Variants in MEF2C observed in about 807,000 individuals in gnomAD.
The protein encoded by MEF2C is myocyte enhancer factor 2C.
A neutral mutation model predicts 50.5 loss-of-function variants in MEF2C; 6 were observed. The ratio of observed to expected loss-of-function variants is 0.12; its 90% CI spans 0.07 to 0.23. MEF2C has a LOEUF of 0.23. Among genes scored for constraint, MEF2C ranks in the 10% least tolerant of loss-of-function variants. The probability of loss-of-function intolerance (pLI) is 1.00; values close to 1 mark genes in which losing one functional copy is unlikely to be tolerated. For synonymous variants in MEF2C, 183 were observed against 228.0 expected (o/e 0.80, Z 1.78); for missense variants, 276 against 605.0 (o/e 0.46, Z 5.70).
At chr5:88,830,942 A>G (rs1483367074) in intron 1 of MEF2C, among the ~76,000 whole-genome samples, 1 of 152,098 alleles carries the variant, frequency 6.6e-6, no homozygotes, top group Non-Finnish European at 1.5e-5. Context: ...AGCACTATAC[A>G]ACATCAACCT....
At chr5:88,778,163 C>T (rs1002380214) in intron 3 of MEF2C, among the ~76,000 whole-genome samples, 2 of 152,168 alleles carry the variant, frequency 1.3e-5, no homozygotes, top group Admixed American at 6.5e-5. Flanking sequence ...CCGCCTCAGC[C>T]TCTCAAAGTG....
intron 2 of MEF2C, among the ~76,000 whole-genome samples, chr5:88,822,701 C>G (rs1473263501): frequency 6.6e-6 from 1 of 151,930 alleles, no homozygotes; most frequent in South Asian, 2.1e-4. Flanking sequence ...GAAGACAAAA[C>G]AGGACAATAG....
intron 3 of MEF2C, among the ~76,000 whole-genome samples, chr5:88,795,042 T>G (rs1795414358): frequency 6.6e-6 from 1 of 152,124 alleles, no homozygotes; most frequent in Non-Finnish European, 1.5e-5. Context: ...TTTGGTTGCT[T>G]TAGCCTTGTG....
At chr5:88,724,443 T>C (rs781272359) in intron 10 of MEF2C, among the ~76,000 whole-genome samples, 30 of 152,146 alleles carry the variant, frequency 2.0e-4, no homozygotes, top group Admixed American at 5.2e-4. Flanking sequence ...TATTAATAAA[T>C]AGATGAGCTA....
At chr5:88,825,666 C>T (rs1810550304) in intron 1 of MEF2C, 2 of 982,776 alleles carry the variant, frequency 2.0e-6, no homozygotes, top group Non-Finnish European at 2.4e-6. Context: ...TTTTAGAAAA[C>T]GTCTTAAATG....
Position 88,797,454 on chromosome 5 carries a change from C to CTTTTTTTTTTTTTTT in MEF2C, c.258+7143_258+7144insAAAAAAAAAAAAAAA, listed in dbSNP as rs1169605093. Among the ~76,000 whole-genome samples, 10 of 25,220 alleles carry CTTTTTTTTTTTTTTT rather than the reference C, an allele frequency of 4.0e-4. 5 individuals are homozygous for CTTTTTTTTTTTTTTT. Among genetic ancestry groups the CTTTTTTTTTTTTTTT allele is most frequent in the African/African-American group, 7.7e-4 (6 of 7,748 alleles). 16.5% of individuals were successfully genotyped at this position (25,220 alleles called of 152,430 possible). On this transcript the variant is annotated intron_variant, in intron 3 of 10. Coordinates refer to ENST00000504921, the MANE Select transcript of MEF2C (RefSeq NM_002397.5). ...TCACAGACTAGGATTGCAACCCTTG[C>CTTTTTTTTTTTTTTT]CTTTTTTTTTTTTTTTTTTTTTTTT...
intron 6 of MEF2C, among the ~76,000 whole-genome samples, chr5:88,747,333 C>T (rs1581676087): frequency 4.1e-4 from 9 of 21,744 alleles, no homozygotes; most frequent in Admixed American, 1.3e-3. Context: ...TTTTTTACTA[C>T]TTTTTTTTTT....
At chr5:88,801,756 G>A (rs949150412) in intron 3 of MEF2C, among the ~76,000 whole-genome samples, 10 of 152,080 alleles carry the variant, frequency 6.6e-5, no homozygotes, top group African/African-American at 1.2e-4. Flanking sequence ...AAAGTACTGG[G>A]ATTACAGGTG....
rs1369543411 is a variant in MEF2C at position 88,888,187 on chromosome 5, T to G, written c.-239-589A>C. 7.2e-5 allele frequency: 11 copies of G among 152,366 alleles called. No homozygotes were observed. The South Asian group carries it at 2.3e-3, about 32-fold the overall frequency. The allele number at this position is 152,366 out of a possible 1,614,324, so 9.4% of individuals were successfully genotyped here. On this transcript the variant is annotated intron_variant, in intron 1 of 11. Transcript: ENST00000340208. Reference sequence around the variant, plus strand: ...AATACCTTATTTTTCCAAGCAGTGTTTAACTATACTGAGCACAGACAAATG... The same window carrying G: ...AATACCTTATTTTTCCAAGCAGTGTGTAACTATACTGAGCACAGACAAATG...
intron 1 of MEF2C, among the ~76,000 whole-genome samples, chr5:88,831,710 T>C (rs751537292): frequency 4.6e-5 from 7 of 152,104 alleles, no homozygotes; most frequent in Non-Finnish European, 1.0e-4. Context: ...TCTCAAAATA[T>C]ATATGATATT....
intron 4 of MEF2C, among the ~76,000 whole-genome samples, chr5:88,759,203 C>A (rs1418798308): frequency 3.9e-5 from 6 of 151,950 alleles, no homozygotes; most frequent in Admixed American, 3.9e-4. Context: ...GCCCAAATGG[C>A]GTGGCGCAGT....
intron 3 of MEF2C, among the ~76,000 whole-genome samples, chr5:88,775,347 T>C (rs1336026615): frequency 6.6e-6 from 1 of 152,174 alleles, no homozygotes; most frequent in Non-Finnish European, 1.5e-5. Flanking sequence ...CAATTATGAA[T>C]TGAGTGTAAT....
intron 2 of MEF2C, among the ~76,000 whole-genome samples, chr5:88,815,701 A>T (rs1804997636): frequency 6.6e-6 from 1 of 152,136 alleles, no homozygotes; most frequent in Non-Finnish European, 1.5e-5. Context: ...TGCAAACTTT[A>T]AAAATACCCT....
In MEF2C at chr5:88,882,938, A is replaced by G. The variant is rs1267825119; in HGVS notation, c.-143+17T>C. On this transcript the variant is annotated intron_variant, in intron 1 of 10. Coordinates refer to ENST00000504921, the MANE Select transcript of MEF2C (RefSeq NM_002397.5). ...CCCGGGTTTTCTATTTCCTCGAGAA[A>G]TATCAGGGGTACTTACATGAAGGAA... 1.3e-5 allele frequency: 2 copies of G among 152,136 alleles called. No individual in the cohort carries two copies. Among genetic ancestry groups the G allele is most frequent in the African/African-American group, 4.8e-5 (2 of 41,414 alleles). The allele number at this position is 152,136 out of a possible 1,614,324, so 9.4% of individuals were successfully genotyped here.
chr5:88,898,121 C>T (rs935672649), intron 1 of MEF2C, among the ~76,000 whole-genome samples: 1 of 152,110 alleles, frequency 6.6e-6, no homozygotes, highest in African/African-American at 2.4e-5. Flanking sequence ...CTCCTGTTCT[C>T]TCCACTAATG....
At chr5:88,731,607 G>A (rs985928740) in intron 7 of MEF2C, 122 bp downstream of exon 7, 2 of 886,112 alleles carry the variant, frequency 2.3e-6, no homozygotes, top group Non-Finnish European at 3.6e-6. Context: ...CTCTGTCAAT[G>A]GCACTGTTAT....
At chr5:88,848,482 A>C (rs549380665) in intron 1 of MEF2C, among the ~76,000 whole-genome samples, 6 of 152,216 alleles carry the variant, frequency 3.9e-5, no homozygotes, top group Non-Finnish European at 8.8e-5. Flanking sequence ...GCAATATGCT[A>C]AGTGCTTTAT....
At chr5:88,870,580 T>C (rs1829205250) in intron 1 of MEF2C, among the ~76,000 whole-genome samples, 1 of 152,074 alleles carries the variant, frequency 6.6e-6, no homozygotes, top group African/African-American at 2.4e-5. Context: ...TCAACTTTAA[T>C]TGAAACATTC....
At position 88,722,674 on chromosome 5, in the gene MEF2C, C is replaced by G. The variant is rs765543733; in HGVS notation, c.1352G>C (p.Arg451Thr). 6.2e-7 allele frequency: 1 copy of G among 1,613,868 alleles called. No homozygotes were observed. The highest frequency in any genetic ancestry group is 8.5e-7 in the Non-Finnish European group (1 of 1,179,878). The change falls in exon 11 of 11, where the codon AGA becomes ACA. Residue 451 changes from arginine (R) to threonine (T), a missense_variant. Around this residue, in one of 2 missense-constraint regions of MEF2C, gnomAD observed 256 missense variants for 468.1 expected, o/e 0.55. Coordinates refer to ENST00000504921, the MANE Select transcript of MEF2C (RefSeq NM_002397.5). ...NEFHSPIGLTRPSPDERESPS... is the reference protein window; with the variant it reads ...NEFHSPIGLTTPSPDERESPS... ...ACTTTCCCTTTCGTCCGGCGAAGGT[C>G]TGGTGAGTCCAATGGGGGAGTGGAA... is the stretch of plus-strand genomic sequence containing the variant.
Sources: gnomAD v4.1 joint callset for allele counts (sites outside exome capture counted in the v4.1 genomes callset) on GRCh38, gnomAD v4.1.1 for gene constraint, gnomAD v4.1.1 regional missense constraint, MANE v1.5 for transcripts, NCBI Gene and HGNC (gene_info 2026-07-23, HGNC 2026-07-21) for gene names.